EPHA3: variants seen among roughly 807,000 people sequenced by gnomAD.
EPHA3 encodes EPH receptor A3.
In EPHA3, 42 loss-of-function variants were observed where a neutral mutation model predicts 107.1. The observed-to-expected ratio is 0.39, with a 90% CI of 0.31 to 0.51. The LOEUF is 0.51. EPHA3 is among the 20% of genes least tolerant of loss of function. The probability of loss-of-function intolerance (pLI) is 0.78; values close to 1 mark genes in which losing one functional copy is unlikely to be tolerated. For synonymous variants in EPHA3, 461 were observed against 424.8 expected (o/e 1.09, Z -1.05); for missense variants, 1,183 against 1,211.2 (o/e 0.98, Z 0.35).
At chr3:89,204,200 C>T (rs1378269506) in intron 2 of EPHA3, among the ~76,000 whole-genome samples, 7 of 152,040 alleles carry the variant, frequency 4.6e-5, no homozygotes, top group Admixed American at 2.0e-4. Flanking sequence ...GTATACTGTG[C>T]CAAACTGTGG....
chr3:89,427,386 T>C (rs903402654), intron 11 of EPHA3, among the ~76,000 whole-genome samples: 2 of 151,914 alleles, frequency 1.3e-5, no homozygotes, highest in African/African-American at 4.8e-5. Flanking sequence ...AGTTATTTTC[T>C]AGCATCAGAA....
At chr3:89,165,405 T>C (rs938548036) in intron 2 of EPHA3, among the ~76,000 whole-genome samples, 1 of 152,240 alleles carries the variant, frequency 6.6e-6, no homozygotes, top group African/African-American at 2.4e-5. Flanking sequence ...TAATTATTTT[T>C]AATAAATGCA....
intron 2 of EPHA3, among the ~76,000 whole-genome samples, chr3:89,190,446 A>G (rs1420719657): frequency 2.0e-5 from 3 of 152,188 alleles, no homozygotes; most frequent in Non-Finnish European, 4.4e-5. Context: ...TTTTAATATT[A>G]AACATTTAAA....
intron 5 of EPHA3, 146 bp downstream of exon 5, chr3:89,342,236 A>G (rs1207758616): frequency 3.3e-5 from 21 of 630,298 alleles, no homozygotes; most frequent in Non-Finnish European, 5.0e-5. Flanking sequence ...CAGTTATGGC[A>G]CATTAAATAA....
In EPHA3 at chr3:89,152,103, G is replaced by A. The variant is rs538293332; in HGVS notation, c.153+24830G>A. ...TATGTTTATGTTATCTCAAATATTT[G>A]GACGCATATTTTAATTCATTTTTCT... is the stretch of plus-strand genomic sequence containing the variant. On this transcript the variant is annotated intron_variant, in intron 2 of 16. Transcript: ENST00000336596. Among the ~76,000 whole-genome samples the A allele has an allele frequency of 2.6e-5, 4 of 151,994 alleles. No homozygotes were observed. In the East Asian group the frequency reaches 7.8e-4, roughly 30 times the overall value.
chr3:89,232,627 A>G (rs1009897223), intron 3 of EPHA3, among the ~76,000 whole-genome samples: 9 of 152,202 alleles, frequency 5.9e-5, no homozygotes, highest in African/African-American at 2.2e-4. Flanking sequence ...GTTTGTAACA[A>G]TTCAATTTAG....
intron 11 of EPHA3, among the ~76,000 whole-genome samples, chr3:89,422,192 A>AACACACACACACAC (rs56370135): frequency 2.1e-5 from 3 of 140,492 alleles, no homozygotes; most frequent in Admixed American, 7.2e-5. Context: ...TGTTGTATTT[A>AACACACACACACAC]ACACACACAC....
chr3:89,183,673 A>G (rs1343561135), intron 2 of EPHA3, among the ~76,000 whole-genome samples: 3 of 152,088 alleles, frequency 2.0e-5, no homozygotes, highest in African/African-American at 7.2e-5. Flanking sequence ...AGCCTTTTCT[A>G]TTAACATGAT....
At chr3:89,130,766 T>G (rs1458927130) in intron 2 of EPHA3, among the ~76,000 whole-genome samples, 2 of 151,900 alleles carry the variant, frequency 1.3e-5, no homozygotes, top group South Asian at 2.1e-4. Context: ...TCCCGAGTAG[T>G]TGGGACTACA....
intron 2 of EPHA3, among the ~76,000 whole-genome samples, chr3:89,134,085 C>G (rs576446221): frequency 2.6e-5 from 4 of 151,250 alleles, no homozygotes; most frequent in Non-Finnish European, 5.9e-5. Context: ...GTTTTTTCAC[C>G]TTTCCAATTT....
chr3:89,222,349 ATATATG>A (rs1240450689), intron 3 of EPHA3, among the ~76,000 whole-genome samples: 7 of 131,680 alleles, frequency 5.3e-5, no homozygotes, highest in African/African-American at 8.8e-5. Context: ...ATATATATAT[ATATATG>A]TATATGTATA....
intron 5 of EPHA3, among the ~76,000 whole-genome samples, chr3:89,357,362 CAA>C (rs1382383033): frequency 6.6e-6 from 1 of 150,744 alleles, no homozygotes; most frequent in African/African-American, 2.4e-5. Flanking sequence ...ACTTTTTCTA[CAA>C]GTTTATTTTA....
intron 3 of EPHA3, among the ~76,000 whole-genome samples, chr3:89,319,897 G>A (rs1707003583): frequency 6.6e-6 from 1 of 151,736 alleles, no homozygotes; most frequent in African/African-American, 2.4e-5. Flanking sequence ...AAACTCGTGG[G>A]CTTGTTTTTA....
rs533423561 is a variant in EPHA3 at position 89,237,281 on chromosome 3, A to G, written c.814+26761A>G. Among the ~76,000 whole-genome samples the G allele has an allele frequency of 2.0e-5, 3 of 152,336 alleles. No individual in the cohort carries two copies. In the East Asian group the frequency reaches 5.8e-4, roughly 29 times the overall value. On this transcript the variant is annotated intron_variant, in intron 3 of 16. Transcript: ENST00000336596. ...CAGGTGCTCAGGAGGCTGAGGCATG[A>G]GAATCGCTCGAACCAAGAGGCAGAG...
At chr3:89,476,617 A>ATTTATTTATTT (rs1553697737) in intron 16 of EPHA3, among the ~76,000 whole-genome samples, 1 of 145,474 alleles carries the variant, frequency 6.9e-6, no homozygotes, top group African/African-American at 2.5e-5. Flanking sequence ...TTATTTATTT[A>ATTTATTTATTT]ATTTTTTTGA....
At chr3:89,154,426 A>G (rs146956733) in intron 2 of EPHA3, among the ~76,000 whole-genome samples, 1 of 152,010 alleles carries the variant, frequency 6.6e-6, no homozygotes, top group Non-Finnish European at 1.5e-5. Flanking sequence ...AGTTATGAGT[A>G]TCAATGGACT....
At chr3:89,271,396 A>G (rs949938316) in intron 3 of EPHA3, among the ~76,000 whole-genome samples, 2 of 152,014 alleles carry the variant, frequency 1.3e-5, no homozygotes, top group Non-Finnish European at 2.9e-5. Context: ...TTCATGATAA[A>G]TGTATTTTTC....
intron 3 of EPHA3, among the ~76,000 whole-genome samples, chr3:89,285,445 A>G (rs1459833837): frequency 2.6e-5 from 4 of 152,234 alleles, no homozygotes; most frequent in African/African-American, 9.6e-5. Context: ...TAATAATACA[A>G]CAAAATAAAT....
chr3:89,472,492 A>G lies in EPHA3; in HGVS notation c.2719A>G (p.Asn907Asp). The G allele has an allele frequency of 6.2e-7, 1 of 1,613,996 alleles. No homozygotes were observed. The highest frequency in any genetic ancestry group is 8.5e-7 in the Non-Finnish European group (1 of 1,179,960). ...RPSNLLLDQSNVDITTFRTTG... is the reference protein window; with the variant it reads ...RPSNLLLDQSDVDITTFRTTG... The stretch of plus-strand genomic sequence containing the variant: ...ATCAAACCTTCTTCTGGACCAAAGC[A>G]ATGTGGATATCACTACCTTCCGCAC... Residue 907 changes from asparagine to aspartate, a missense_variant, in exon 16 of 17, where the codon AAT becomes GAT. Physicochemically the swap from Asn to Asp is conservative, Grantham distance 23. Coordinates refer to ENST00000336596, the MANE Select transcript of EPHA3 (RefSeq NM_005233.6).
Sources: allele counts gnomAD v4.1 joint callset (sites outside exome capture counted in the v4.1 genomes callset), GRCh38; gene constraint gnomAD v4.1.1; transcripts MANE v1.5; gene names NCBI Gene and HGNC (gene_info 2026-07-23, HGNC 2026-07-21).